Variants in GPATCH2L observed in about 807,000 individuals in gnomAD.
GPATCH2L encodes the protein G-patch domain containing 2 like, also known as G patch domain-containing protein 2-like.
A neutral mutation model predicts 57.4 loss-of-function variants in GPATCH2L; 31 were observed. That is an observed-to-expected ratio of 0.54 (90% CI 0.41 to 0.73). The LOEUF is 0.73. GPATCH2L is among the 30% of genes least tolerant of loss of function. The pLI is 0.00. For synonymous variants in GPATCH2L, 199 were observed against 210.7 expected, an observed-to-expected ratio of 0.94 and a Z score of 0.48; for missense variants, 481 against 599.9, an observed-to-expected ratio of 0.80 and a Z score of 2.07.
chr14:76,231,549 T>G lies in GPATCH2L; in HGVS notation c.*117+1596T>G, dbSNP rs367743708. Among the ~76,000 whole-genome samples, 9 of 151,792 alleles carry G rather than the reference T, an allele frequency of 5.9e-5. No individual in the cohort carries two copies. In the East Asian group the frequency reaches 9.7e-4, roughly 16 times the overall value. ...AGCCAGATTTGAGGTTTTGAGGAGTTTCTAGTCATGAACCATCTTCCTTTA... is the reference window on the plus strand; with the variant it reads ...AGCCAGATTTGAGGTTTTGAGGAGTGTCTAGTCATGAACCATCTTCCTTTA... On this transcript the variant is annotated intron_variant and NMD_transcript_variant, in intron 2 of 3. Coordinates refer to the GPATCH2L transcript ENST00000556372.
intron 2 of GPATCH2L, chr14:76,230,035 AG>A (rs2040553696): frequency 6.6e-6 from 1 of 152,244 alleles, no homozygotes; most frequent in Non-Finnish European, 1.5e-5. Flanking sequence ...AACAAAGTGC[AG>A]GTTTCAATAG....
In GPATCH2L at chr14:76,154,406, A is replaced by G. The variant is rs1486069164; in HGVS notation, c.43A>G (p.Thr15Ala). Residue 15 changes from threonine (T) to alanine (A), a missense_variant, in exon 2 of 10, where the codon ACA (threonine) becomes GCA (alanine). Around this residue, in one of 3 missense-constraint regions of GPATCH2L, gnomAD observed 208 missense variants for 272.4 expected, o/e 0.76. Transcript: ENST00000261530. The surrounding 1 kb of genome is among the most constrained non-coding windows in gnomAD (Gnocchi z 4.4). ...CGACTTAGCCTCAGCCTTGGAGCAG[A>G]CATCTGAGCAGAATAAGCTTGGTGA... ...VHDLASALEQ[T>A]SEQNKLGELW... 3 of 1,611,072 alleles carry G rather than the reference A, an allele frequency of 1.9e-6. No individual in the cohort carries two copies. Among genetic ancestry groups the G allele is most frequent in the Non-Finnish European group, 2.5e-6 (3 of 1,177,504 alleles).
chr14:76,182,655 G>A (rs2039620378), intron 8 of GPATCH2L, among the ~76,000 whole-genome samples: 1 of 151,644 alleles, frequency 6.6e-6, no homozygotes, highest in Non-Finnish European at 1.5e-5. Flanking sequence ...TAGTAGTAAG[G>A]CCTTTCCTTC....
intron 2 of GPATCH2L, among the ~76,000 whole-genome samples, chr14:76,158,910 G>A (rs191532295): frequency 2.7e-4 from 41 of 152,178 alleles, no homozygotes; most frequent in African/African-American, 8.2e-4. Context: ...CATCCATCTC[G>A]TAAAAGAGTC....
chr14:76,196,757 A>C (rs550966703), intron 9 of GPATCH2L, among the ~76,000 whole-genome samples: 1 of 152,162 alleles, frequency 6.6e-6, no homozygotes, highest in Admixed American at 6.6e-5. Flanking sequence ...TTTTCTTTAG[A>C]AAATACTACC....
chr14:76,195,770 A>G (rs1219476230), intron 8 of GPATCH2L, 108 bp from the exon 9 acceptor site: 5 of 792,626 alleles, frequency 6.3e-6, no homozygotes, highest in East Asian at 2.4e-5. Context: ...GATGGTGCCC[A>G]TTTTGTTTAT....
chr14:76,174,046 A>AC, intron 5 of GPATCH2L: 1 of 185,960 alleles, frequency 5.4e-6, no homozygotes. Context: ...AAAAAAAAAA[A>AC]ACAAAACTGT....
chr14:76,226,889 A>T (rs929982775), intron 1 of GPATCH2L, among the ~76,000 whole-genome samples: 3 of 152,226 alleles, frequency 2.0e-5, no homozygotes, highest in Non-Finnish European at 2.9e-5. Flanking sequence ...GGAGCTGTAC[A>T]CTTATGATTG....
At chr14:76,220,458 G>C (rs2040509513) in intron 1 of GPATCH2L, among the ~76,000 whole-genome samples, 1 of 152,136 alleles carries the variant, frequency 6.6e-6, no homozygotes, top group Non-Finnish European at 1.5e-5. Context: ...GAAAGATAGA[G>C]TTTGTATTTT....
chr14:76,186,200 T>TAAATGAC (rs2039758995), intron 8 of GPATCH2L, among the ~76,000 whole-genome samples: 1 of 152,086 alleles, frequency 6.6e-6, no homozygotes, highest in African/African-American at 2.4e-5. Flanking sequence ...TTGAGGTGCT[T>TAAATGAC]AAATGACCTC....
intron 9 of GPATCH2L, among the ~76,000 whole-genome samples, chr14:76,199,442 C>T (rs1372930405): frequency 6.6e-6 from 1 of 152,060 alleles, no homozygotes; most frequent in Non-Finnish European, 1.5e-5. Context: ...ATGCTTTGTC[C>T]TGCCAAAATC....
Position 76,208,501 on chromosome 14 carries a change from T to G in GPATCH2L, c.*6650T>G, listed in dbSNP as rs2040404180. On this transcript the variant is annotated 3_prime_UTR_variant, in exon 10 of 10. Transcript: ENST00000261530. ...CTTTTACCCCCACCTTCTCTCAATCTTAGCAGTTAATCTCAGCCCTCCCCC... is the reference window on the plus strand; with the variant it reads ...CTTTTACCCCCACCTTCTCTCAATCGTAGCAGTTAATCTCAGCCCTCCCCC... 1 of 152,310 alleles carries G rather than the reference T, an allele frequency of 6.6e-6. No individual in the cohort carries two copies. The highest frequency in any genetic ancestry group is 1.5e-5 in the Non-Finnish European group (1 of 68,076). 9.4% of individuals were successfully genotyped at this position (152,310 alleles called of 1,614,324 possible).
chr14:76,230,870 A>G (rs972357246), intron 2 of GPATCH2L, among the ~76,000 whole-genome samples: 1 of 152,212 alleles, frequency 6.6e-6, no homozygotes, highest in African/African-American at 2.4e-5. Flanking sequence ...TACCCGTTTC[A>G]TGGTAAAAGA....
chr14:76,206,938 A>G lies in GPATCH2L; in HGVS notation c.*5087A>G, dbSNP rs1281462318. 1 of 151,070 alleles carries G rather than the reference A, an allele frequency of 6.6e-6. No homozygotes were observed. Among genetic ancestry groups the G allele is most frequent in the Non-Finnish European group, 1.5e-5 (1 of 67,790 alleles). 9.4% of individuals were successfully genotyped at this position (151,070 alleles called of 1,614,324 possible). On this transcript the variant is annotated 3_prime_UTR_variant, in exon 10 of 10. Transcript: ENST00000261530. ...ATTTCTCATATTTTTTTTTTCCCCT[A>G]CAAGCTCCTGAAAGATCTTTTTGAA...
At chr14:76,198,665 G>A (rs182276852) in intron 9 of GPATCH2L, among the ~76,000 whole-genome samples, 1 of 152,156 alleles carries the variant, frequency 6.6e-6, no homozygotes, top group Admixed American at 6.5e-5. Context: ...CATTCAGAAG[G>A]GTACCTAATA....
At chr14:76,217,730 C>G (rs943768682), downstream of GPATCH2L, among the ~76,000 whole-genome samples, 1 of 152,076 alleles carries the variant, frequency 6.6e-6, no homozygotes, top group African/African-American at 2.4e-5. Flanking sequence ...TAGAGAATCT[C>G]CTGTAGACCA....
chr14:76,155,814 G>A (rs1347349726), intron 2 of GPATCH2L, among the ~76,000 whole-genome samples: 2 of 152,054 alleles, frequency 1.3e-5, no homozygotes, highest in Non-Finnish European at 2.9e-5. Context: ...TGGTGTTTTG[G>A]ATGGGACAAT....
chr14:76,196,402 T>G (rs2040151301), intron 9 of GPATCH2L: 1 of 238,814 alleles, frequency 4.2e-6, no homozygotes, highest in Non-Finnish European at 8.0e-6. Context: ...ATGACATTCC[T>G]AATTAAAAAC....
Position 76,202,592 on chromosome 14 carries a change from G to A in GPATCH2L, c.*741G>A, listed in dbSNP as rs1374191441. 1 of 152,470 alleles carries A rather than the reference G, an allele frequency of 6.6e-6. No homozygotes were observed. The highest frequency in any genetic ancestry group is 1.5e-5 in the Non-Finnish European group (1 of 68,086). 9.4% of individuals were successfully genotyped at this position (152,470 alleles called of 1,614,324 possible). A position where few individuals can be genotyped will look rare whatever the true frequency, so the allele number is the denominator to read the frequency against. ...TGGTATAATGGAGAAGATGGTTTAG[G>A]TGTACAGCAAATTTAAAATAGTCAG... On this transcript the variant is annotated 3_prime_UTR_variant, in exon 10 of 10. Coordinates refer to ENST00000261530, the MANE Select transcript of GPATCH2L (RefSeq NM_017926.4).
Sources: gnomAD v4.1 joint callset for allele counts (sites outside exome capture counted in the v4.1 genomes callset) on GRCh38, gnomAD v4.1.1 for gene constraint, gnomAD v4.1.1 regional missense constraint, Gnocchi (gnomAD v3.1) non-coding constraint, MANE v1.5 for transcripts, NCBI Gene and HGNC (gene_info 2026-07-23, HGNC 2026-07-21) for gene names.